Variants in SEMA6D observed in about 807,000 individuals in gnomAD.
SEMA6D encodes the protein semaphorin 6D, also known as semaphorin-6D.
In SEMA6D, 35 loss-of-function variants were observed where a neutral mutation model predicts 106.6. The ratio of observed to expected loss-of-function variants is 0.33; its 90% CI spans 0.25 to 0.44. The LOEUF is 0.44. Ranked by LOEUF, SEMA6D falls within the 20% of genes least tolerant of loss-of-function variation. SEMA6D has a pLI of 1.00. For synonymous variants in SEMA6D, 499 were observed against 487.7 expected (o/e 1.02, Z -0.31); for missense variants, 1,185 against 1,345.9 (o/e 0.88, Z 1.87).
intron 4 of SEMA6D, among the ~76,000 whole-genome samples, chr15:47,621,222 C>T (rs1293307464): frequency 1.3e-5 from 2 of 152,156 alleles, no homozygotes; most frequent in Admixed American, 1.3e-4. Context: ...ACCCCACCAA[C>T]TAAAACATGC....
chr15:47,642,781 A>G (rs1259135164), intron 4 of SEMA6D, among the ~76,000 whole-genome samples: 4 of 152,184 alleles, frequency 2.6e-5, no homozygotes, highest in Non-Finnish European at 5.9e-5. Context: ...GGAAGGCAGC[A>G]GGAGTTGGGA....
chr15:47,483,593 G>T (rs2043215069), intron 3 of SEMA6D, among the ~76,000 whole-genome samples: 2 of 152,112 alleles, frequency 1.3e-5, no homozygotes, highest in Admixed American at 1.3e-4. Context: ...ACAGTACCAG[G>T]ATGTGATTTT....
intron 3 of SEMA6D, among the ~76,000 whole-genome samples, chr15:47,489,397 T>G (rs2141406689): frequency 6.6e-6 from 1 of 152,286 alleles, no homozygotes; most frequent in Non-Finnish European, 1.5e-5. Context: ...AATAGACATT[T>G]TTTCCTTTTC....
chr15:47,389,478 A>G (rs2039956740), intron 1 of SEMA6D, among the ~76,000 whole-genome samples: 1 of 152,184 alleles, frequency 6.6e-6, no homozygotes, highest in Non-Finnish European at 1.5e-5. Flanking sequence ...TTCCATTTCT[A>G]GGAATCCACT....
intron 1 of SEMA6D, chr15:47,185,735 C>G (rs1157085854): frequency 6.6e-6 from 1 of 152,078 alleles, no homozygotes; most frequent in Non-Finnish European, 1.5e-5. Flanking sequence ...AGTTGGAGAT[C>G]CCAAAAGACT....
intron 1 of SEMA6D, among the ~76,000 whole-genome samples, chr15:47,362,405 T>C (rs1024185308): frequency 2.0e-5 from 3 of 152,170 alleles, no homozygotes; most frequent in Non-Finnish European, 2.9e-5. Context: ...TCTTTTTTCA[T>C]GATACTGGAA....
chr15:47,734,596 T>A (rs1020010263), intron 1 of SEMA6D, among the ~76,000 whole-genome samples: 1 of 152,196 alleles, frequency 6.6e-6, no homozygotes, highest in Non-Finnish European at 1.5e-5. Context: ...GTCTTGAGTT[T>A]CCACTGTGTC....
rs113320145 is a variant in SEMA6D, at chr15:47,482,853, G to A, written c.-87+12308G>A. 8.0e-3 allele frequency among the ~76,000 whole-genome samples: 1,210 copies of A among 151,854 alleles called. 7 individuals carry two copies. The highest frequency in any genetic ancestry group is 0.015 in the Admixed American group (228 of 15,260). On this transcript the variant is annotated intron_variant, in intron 3 of 19. Coordinates refer to the SEMA6D transcript ENST00000558014. ...ACTAGATAGAAATGGCTTAGAGAGA[G>A]GATAAAATATTAAGGTTGATAACTA... is the stretch of plus-strand genomic sequence containing the variant.
At chr15:47,489,384 A>G (rs2043395163) in intron 3 of SEMA6D, among the ~76,000 whole-genome samples, 2 of 152,248 alleles carry the variant, frequency 1.3e-5, no homozygotes, top group African/African-American at 4.8e-5. Context: ...GCCCAAATAA[A>G]CTAATAGACA....
rs541226986 is a variant in SEMA6D, at chr15:47,324,891, A to G, written c.-238-87502A>G. 6.2e-4 allele frequency among the ~76,000 whole-genome samples: 94 copies of G among 152,086 alleles called. 1 individual carries two copies. Among genetic ancestry groups the G allele is most frequent in the Non-Finnish European group, 8.4e-4 (57 of 67,944 alleles). ...AGGACTATATTGTGAACATCCTTAC[A>G]TGCCAGTAAATATAGTTTAACCTCA... On this transcript the variant is annotated intron_variant, in intron 1 of 19. Transcript: ENST00000558014.
chr15:47,352,125 A>T (rs2038349949), intron 1 of SEMA6D, among the ~76,000 whole-genome samples: 1 of 152,208 alleles, frequency 6.6e-6, no homozygotes, highest in Non-Finnish European at 1.5e-5. Context: ...TGTTTGAATA[A>T]AAGAAAAATT....
At chr15:47,220,815 G>A (rs1015866212) in intron 1 of SEMA6D, among the ~76,000 whole-genome samples, 2 of 152,102 alleles carry the variant, frequency 1.3e-5, no homozygotes, top group Admixed American at 6.5e-5. Flanking sequence ...TAGAAAATTC[G>A]AAAGAAGCAT....
chr15:47,410,026 G>A (rs576096153), intron 1 of SEMA6D, among the ~76,000 whole-genome samples: 136 of 152,158 alleles, frequency 8.9e-4, no homozygotes, highest in African/African-American at 3.3e-3. Context: ...TGACTCTGTC[G>A]TCCAGGCTAG....
intron 4 of SEMA6D, among the ~76,000 whole-genome samples, chr15:47,707,218 C>A (rs183771302): frequency 1.3e-5 from 2 of 152,230 alleles, no homozygotes; most frequent in African/African-American, 4.8e-5. Flanking sequence ...AATTGTGTTT[C>A]CCTAAGTTCA....
At chr15:47,712,028 A>G (rs2079033035) in intron 4 of SEMA6D, among the ~76,000 whole-genome samples, 1 of 152,236 alleles carries the variant, frequency 6.6e-6, no homozygotes, top group Non-Finnish European at 1.5e-5. Flanking sequence ...GGTTTATTTT[A>G]ATATAAATCT....
intron 3 of SEMA6D, among the ~76,000 whole-genome samples, chr15:47,503,018 T>G (rs1477953862): frequency 6.6e-6 from 1 of 152,212 alleles, no homozygotes; most frequent in Non-Finnish European, 1.5e-5. Flanking sequence ...AGTGACAATA[T>G]TTTTTGCCTT....
intron 1 of SEMA6D, among the ~76,000 whole-genome samples, chr15:47,383,275 T>C (rs544665564): frequency 2.8e-4 from 42 of 152,036 alleles, no homozygotes; most frequent in African/African-American, 1.0e-3. Context: ...CTGGGAAGAG[T>C]TGTGGGCAAA....
At chr15:47,760,600 C>T (rs911890643) in intron 3 of SEMA6D, among the ~76,000 whole-genome samples, 185 bp downstream of exon 3, 3 of 151,972 alleles carry the variant, frequency 2.0e-5, no homozygotes, top group African/African-American at 7.2e-5. Flanking sequence ...AAGCTTTCAG[C>T]GGTGCTATTT....
intron 1 of SEMA6D, among the ~76,000 whole-genome samples, chr15:47,228,167 T>C (rs374558817): frequency 5.7e-5 from 5 of 87,388 alleles, no homozygotes; most frequent in Non-Finnish European, 7.7e-5. Context: ...CACACACATA[T>C]ATATATAACC....
Sources: gnomAD v4.1 joint callset for allele counts (sites outside exome capture counted in the v4.1 genomes callset) on GRCh38, gnomAD v4.1.1 for gene constraint, MANE v1.5 for transcripts, NCBI Gene and HGNC (gene_info 2026-07-23, HGNC 2026-07-21) for gene names.